Variants in CDH13 observed in about 807,000 individuals in gnomAD.
CDH13 encodes cadherin 13.
In CDH13, 24 loss-of-function variants were observed where a neutral mutation model predicts 63.8. The observed-to-expected ratio is 0.38, with a 90% CI of 0.27 to 0.53. The LOEUF is 0.53. CDH13 is among the 20% of genes least tolerant of loss of function. The pLI is 0.85. For missense variants in CDH13, 1,049 were observed against 903.1 expected (o/e 1.16, Z -2.07); for synonymous variants, 503 against 355.3 (o/e 1.42, Z -4.67).
chr16:83,369,023 C>T (rs2091312452), intron 6 of CDH13, among the ~76,000 whole-genome samples: 1 of 148,464 alleles, frequency 6.7e-6, no homozygotes, highest in African/African-American at 2.5e-5. Context: ...CTGCTATAAA[C>T]ATGCATGTGC....
Position 83,748,215 on chromosome 16 carries a change from G to A in CDH13, c.1646G>A (p.Ser549Asn), listed in dbSNP as rs1377480289. ...CGTGAGTCCCCATTTGTCGACAACA[G>A]CGTGTACACTGCTCTCTTCCTGGCA... is the stretch of plus-strand genomic sequence containing the variant. ...LDRESPFVDN[S>N]VYTALFLAID... The change falls in exon 11 of 14, where the codon AGC becomes AAC. Residue 549 changes from serine (S) to asparagine (N), a missense_variant. Coordinates refer to ENST00000567109, the MANE Select transcript of CDH13 (RefSeq NM_001257.5). The A allele has an allele frequency of 6.2e-7, 1 of 1,613,642 alleles. No homozygotes were observed. The highest frequency in any genetic ancestry group is 1.7e-5 in the Admixed American group (1 of 60,010).
At chr16:83,425,588 C>G (rs1462302201) in intron 6 of CDH13, among the ~76,000 whole-genome samples, 4 of 152,206 alleles carry the variant, frequency 2.6e-5, no homozygotes, top group Non-Finnish European at 5.9e-5. Context: ...TCTCCCTTCC[C>G]CTCTCTTCCA....
At chr16:83,586,524 G>A (rs1906175915) in intron 7 of CDH13, among the ~76,000 whole-genome samples, 1 of 152,204 alleles carries the variant, frequency 6.6e-6, no homozygotes, top group African/African-American at 2.4e-5. Context: ...AGAAGGGCAA[G>A]ACCAAATGTT....
At chr16:83,435,533 T>C (rs2072269601) in intron 6 of CDH13, among the ~76,000 whole-genome samples, 2 of 152,152 alleles carry the variant, frequency 1.3e-5, no homozygotes, top group South Asian at 4.1e-4. Context: ...TCTGTCTCAT[T>C]CCACTCTCCC....
intron 3 of CDH13, among the ~76,000 whole-genome samples, chr16:83,040,273 C>T (rs542199887): frequency 6.6e-6 from 1 of 152,066 alleles, no homozygotes; most frequent in Non-Finnish European, 1.5e-5. Flanking sequence ...AGACACAGAA[C>T]TAATGTGATA....
intron 7 of CDH13, among the ~76,000 whole-genome samples, chr16:83,501,175 C>T (rs1188777781): frequency 2.0e-5 from 3 of 152,196 alleles, no homozygotes; most frequent in African/African-American, 7.2e-5. Flanking sequence ...ACTTAATAGA[C>T]ATTTTGTGGT....
Position 83,443,363 on chromosome 16 carries a change from C to T in CDH13, c.782-43114C>T, listed in dbSNP as rs575865825. On this transcript the variant is annotated intron_variant, in intron 6 of 13. Transcript: ENST00000567109. ...AGGAGTGAGCTTGGAGCACTGCACC[C>T]ACAGACAGGACCATCATTAGGAGCA... is the stretch of plus-strand genomic sequence containing the variant. Among the ~76,000 whole-genome samples, 35 of 152,262 alleles carry T rather than the reference C, an allele frequency of 2.3e-4. 1 individual carries two copies. The South Asian group carries it at 7.1e-3, about 31-fold the overall frequency.
At chr16:82,870,127 G>GA (rs142721133) in intron 2 of CDH13, among the ~76,000 whole-genome samples, 4,555 of 150,476 alleles carry the variant, frequency 0.03, 220 homozygotes, top group African/African-American at 0.11. Context: ...CAACTCAATA[G>GA]AAAAAAAAAT....
At chr16:83,055,009 T>A (rs2030771244) in intron 3 of CDH13, among the ~76,000 whole-genome samples, 2 of 152,020 alleles carry the variant, frequency 1.3e-5, no homozygotes, top group African/African-American at 2.4e-5. Flanking sequence ...CCATTTTAAA[T>A]TTAAAACAGA....
At chr16:82,805,937 G>T (rs1035533261) in intron 1 of CDH13, among the ~76,000 whole-genome samples, 1 of 152,142 alleles carries the variant, frequency 6.6e-6, no homozygotes, top group Non-Finnish European at 1.5e-5. Context: ...CTTTCTACCA[G>T]TTGGTGAAAA....
intron 1 of CDH13, among the ~76,000 whole-genome samples, chr16:82,804,276 TACACACAC>T (rs140828245): frequency 5.9e-5 from 8 of 135,034 alleles, no homozygotes; most frequent in East Asian, 2.4e-4. Context: ...GGGATCTTGC[TACACACAC>T]ACACACACAC....
At chr16:83,001,780 G>A (rs1483875524) in intron 2 of CDH13, among the ~76,000 whole-genome samples, 1 of 152,200 alleles carries the variant, frequency 6.6e-6, no homozygotes, top group Non-Finnish European at 1.5e-5. Flanking sequence ...TCCTGTCCAG[G>A]TGGTGGGATA....
intron 5 of CDH13, among the ~76,000 whole-genome samples, chr16:83,252,662 G>T (rs919806086): frequency 6.6e-6 from 1 of 152,096 alleles, no homozygotes; most frequent in Non-Finnish European, 1.5e-5. Flanking sequence ...GGCCAACCTG[G>T]GGCGAAGGTG....
intron 5 of CDH13, among the ~76,000 whole-genome samples, chr16:83,258,708 TGACACCAACAG>T (rs1357419830): frequency 2.6e-5 from 4 of 152,218 alleles, no homozygotes; most frequent in Admixed American, 6.5e-5. Context: ...TAATTTAACA[TGACACCAACAG>T]GGGTGTTTGT....
Position 82,926,284 on chromosome 16 carries a change from C to CAA in CDH13, c.157+67822_157+67823dup, listed in dbSNP as rs528860186. Reference sequence around the variant, plus strand: ...CAGTGTTCCAGTAAAACGTTATTTCCAAAAAAAAAAAAGAAAAAAAAAGGC... The same window carrying CAA: ...CAGTGTTCCAGTAAAACGTTATTTCCAAAAAAAAAAAAAAGAAAAAAAAAGGC... On this transcript the variant is annotated intron_variant, in intron 2 of 13. Coordinates refer to ENST00000567109, the MANE Select transcript of CDH13 (RefSeq NM_001257.5). Among the ~76,000 whole-genome samples the CAA allele has an allele frequency of 5.8e-3, 685 of 118,420 alleles. 6 individuals are homozygous for CAA. Among genetic ancestry groups the CAA allele is most frequent in the African/African-American group, 0.02 (652 of 32,798 alleles). 77.7% of individuals were successfully genotyped at this position (118,420 alleles called of 152,430 possible). A position where few individuals can be genotyped will look rare whatever the true frequency, so the allele number is the denominator to read the frequency against.
chr16:82,989,307 T>A (rs985287913), intron 2 of CDH13, among the ~76,000 whole-genome samples: 2 of 152,196 alleles, frequency 1.3e-5, no homozygotes, highest in Admixed American at 6.5e-5. Context: ...CAGACAAGCA[T>A]ATAGTTTGCA....
At chr16:83,409,466 T>A (rs2092095713) in intron 6 of CDH13, among the ~76,000 whole-genome samples, 1 of 152,200 alleles carries the variant, frequency 6.6e-6, no homozygotes, top group South Asian at 2.1e-4. Context: ...CAGAGCCTGC[T>A]CCAAGAATGG....
At chr16:82,894,721 G>A (rs1024085129) in intron 2 of CDH13, among the ~76,000 whole-genome samples, 5 of 152,138 alleles carry the variant, frequency 3.3e-5, no homozygotes, top group Non-Finnish European at 7.3e-5. Flanking sequence ...AAATAGAGAC[G>A]ATGGGAAGTA....
chr16:82,883,437 C>A (rs982784956), intron 2 of CDH13, among the ~76,000 whole-genome samples: 2 of 152,134 alleles, frequency 1.3e-5, no homozygotes, highest in Non-Finnish European at 1.5e-5. Context: ...AGGCCCTTTG[C>A]CTAGTGGTTC....
Sources: allele counts gnomAD v4.1 joint callset (sites outside exome capture counted in the v4.1 genomes callset), GRCh38; gene constraint gnomAD v4.1.1; transcripts MANE v1.5; gene names NCBI Gene and HGNC (gene_info 2026-07-23, HGNC 2026-07-21).